The following TANC2 variants were observed in gnomAD, a reference collection of about 807,000 sequenced individuals.
TANC2 encodes the protein tetratricopeptide repeat, ankyrin repeat and coiled-coil containing 2.
TANC2 carries 26 observed loss-of-function variants against 210.5 expected under a neutral mutation model. The observed-to-expected ratio is 0.12, with a 90% CI of 0.09 to 0.17. The LOEUF (loss-of-function observed/expected upper bound fraction) is 0.17. Among genes scored for constraint, TANC2 ranks in the 10% least tolerant of loss-of-function variants. The pLI is 1.00. For synonymous variants in TANC2, 931 were observed against 967.1 expected, an observed-to-expected ratio of 0.96 and a Z score of 0.69; for missense variants, 2,129 against 2,608.9, an observed-to-expected ratio of 0.82 and a Z score of 4.01.
At chr17:62,983,964 G>A (rs1488099708) in intron 1 of TANC2, among the ~76,000 whole-genome samples, 1 of 152,072 alleles carries the variant, frequency 6.6e-6, no homozygotes, top group Non-Finnish European at 1.5e-5. Flanking sequence ...TTTGGTATTA[G>A]GGTTATGTTG....
intron 4 of TANC2, chr17:63,117,289 C>G (rs2038288898): frequency 6.6e-6 from 1 of 152,104 alleles, no homozygotes; most frequent in Admixed American, 6.5e-5. Context: ...TTTGCTCTAA[C>G]AGAGGGTGAA....
At chr17:63,137,125 G>A (rs1361767795) in intron 4 of TANC2, among the ~76,000 whole-genome samples, 1 of 151,972 alleles carries the variant, frequency 6.6e-6, no homozygotes, top group African/African-American at 2.4e-5. Context: ...GAAAGATCTT[G>A]TTAAAAACCT....
chr17:63,037,212 G>A (rs2035008281), intron 2 of TANC2, among the ~76,000 whole-genome samples: 1 of 152,130 alleles, frequency 6.6e-6, no homozygotes, highest in Admixed American at 6.6e-5. Context: ...TAACGGGCAT[G>A]TAGGGTATAC....
intron 26 of TANC2, among the ~76,000 whole-genome samples, chr17:63,417,853 T>C (rs979853011): frequency 3.9e-5 from 6 of 152,198 alleles, no homozygotes; most frequent in African/African-American, 1.4e-4. Flanking sequence ...TCCCGGACTT[T>C]ACAGGACACC....
intron 9 of TANC2, among the ~76,000 whole-genome samples, chr17:63,293,354 C>G (rs559527946): frequency 2.0e-3 from 302 of 152,310 alleles, no homozygotes; most frequent in African/African-American, 6.9e-3. Flanking sequence ...TAGAGAATAG[C>G]ATGCATGGAA....
At chr17:63,135,360 GAGA>G (rs2039055533) in intron 4 of TANC2, among the ~76,000 whole-genome samples, 1 of 152,160 alleles carries the variant, frequency 6.6e-6, no homozygotes, top group African/African-American at 2.4e-5. Context: ...GATATTTATT[GAGA>G]AGGTGAGAGT....
intron 27 of TANC2, among the ~76,000 whole-genome samples, 168 bp from the exon 28 acceptor site, chr17:63,419,831 G>T (rs535338118): frequency 6.6e-6 from 1 of 152,250 alleles, no homozygotes; most frequent in Admixed American, 6.5e-5. Context: ...GACTCTTCCA[G>T]AATGAGTCTT....
chr17:63,328,376 A>ATG (rs61546119), intron 11 of TANC2, among the ~76,000 whole-genome samples: 15,396 of 147,026 alleles, frequency 0.1, 877 homozygotes, highest in African/African-American at 0.17. Context: ...GTATGTGTAT[A>ATG]TGTGTGTGTG....
intron 4 of TANC2, chr17:63,148,713 A>C (rs74460602): frequency 5.3e-5 from 8 of 152,104 alleles, no homozygotes; most frequent in African/African-American, 1.7e-4. Context: ...TCTTTTAACT[A>C]TCAGAGAAGG....
chr17:63,327,748 C>T (rs532011429), intron 11 of TANC2, among the ~76,000 whole-genome samples: 38 of 151,470 alleles, frequency 2.5e-4, no homozygotes, highest in Non-Finnish European at 4.3e-4. Flanking sequence ...ACTGTGCAGC[C>T]ATTAAAAAAA....
chr17:62,991,470 C>A (rs2032860735), intron 1 of TANC2, among the ~76,000 whole-genome samples: 1 of 151,824 alleles, frequency 6.6e-6, no homozygotes. Context: ...AACCCCGTCT[C>A]TACTAAAAAT....
At chr17:63,115,957 T>A (rs2038235008) in intron 4 of TANC2, among the ~76,000 whole-genome samples, 1 of 152,184 alleles carries the variant, frequency 6.6e-6, no homozygotes, top group African/African-American at 2.4e-5. Flanking sequence ...TAGTCACATT[T>A]TACTGAGGTT....
chr17:62,981,587 A>G (rs756036181), intron 1 of TANC2, among the ~76,000 whole-genome samples: 13 of 152,112 alleles, frequency 8.5e-5, no homozygotes, highest in Non-Finnish European at 1.3e-4. Flanking sequence ...CTCCTGGTTC[A>G]TTGTAGGGCA....
intron 18 of TANC2, chr17:63,396,844 A>G (rs2048178903): frequency 6.6e-6 from 1 of 152,268 alleles, no homozygotes; most frequent in East Asian, 1.9e-4. Flanking sequence ...GAAAGGGTTG[A>G]AAAAAACTGT....
At chr17:63,025,829 A>C in intron 2 of TANC2, among the ~76,000 whole-genome samples, 1 of 148,092 alleles carries the variant, frequency 6.8e-6, no homozygotes, top group African/African-American at 2.5e-5. Flanking sequence ...AATTAAAATA[A>C]AATAAAATAA....
chr17:63,163,024 T>G (rs536875792), intron 5 of TANC2, among the ~76,000 whole-genome samples: 3 of 151,720 alleles, frequency 2.0e-5, no homozygotes, highest in Middle Eastern at 3.4e-3. Flanking sequence ...CAGATTGGAA[T>G]GAGAAGATTA....
chr17:63,139,521 G>T (rs1256784360), intron 4 of TANC2, among the ~76,000 whole-genome samples: 2 of 152,138 alleles, frequency 1.3e-5, no homozygotes, highest in Non-Finnish European at 2.9e-5. Flanking sequence ...CCAGCTACTT[G>T]TTTGATCCTG....
chr17:63,123,332 C>T (rs936044995), intron 4 of TANC2, among the ~76,000 whole-genome samples: 15 of 151,638 alleles, frequency 9.9e-5, no homozygotes, highest in Non-Finnish European at 1.8e-4. Context: ...CTGAGGCGGG[C>T]GGATCACAAG....
At chr17:63,074,749 A>G (rs1289403231) in intron 3 of TANC2, among the ~76,000 whole-genome samples, 4 of 152,166 alleles carry the variant, frequency 2.6e-5, no homozygotes, top group Non-Finnish European at 5.9e-5. Flanking sequence ...TATAGTAGTC[A>G]CTAAATAAAT....
Sources: allele counts gnomAD v4.1 joint callset (sites outside exome capture counted in the v4.1 genomes callset), GRCh38; gene constraint gnomAD v4.1.1; transcripts MANE v1.5; gene names NCBI Gene and HGNC (gene_info 2026-07-23, HGNC 2026-07-21).